The following SFRP1 variants were observed in gnomAD, a reference collection of about 807,000 sequenced individuals.
SFRP1 encodes the protein secreted frizzled related protein 1, also known as secreted frizzled-related protein 1.
In SFRP1, 9 loss-of-function variants were observed where a neutral mutation model predicts 25.9. The ratio of observed to expected loss-of-function variants is 0.35; its 90% CI spans 0.21 to 0.61. The LOEUF is 0.61. Ranked by LOEUF, SFRP1 falls within the 20% of genes least tolerant of loss-of-function variation. The pLI, the probability that SFRP1 is intolerant of heterozygous loss-of-function variation, is 0.78. For missense variants in SFRP1, 346 were observed against 418.2 expected, an observed-to-expected ratio of 0.83 and a Z score of 1.51; for synonymous variants, 178 against 174.0, an observed-to-expected ratio of 1.02 and a Z score of -0.18.
At chr8:41,294,219 G>A (rs902629650) in intron 2 of SFRP1, among the ~76,000 whole-genome samples, 1 of 152,184 alleles carries the variant, frequency 6.6e-6, no homozygotes, top group African/African-American at 2.4e-5. Context: ...GCTGCTCTCA[G>A]GGTTTAAAGT....
intron 2 of SFRP1, among the ~76,000 whole-genome samples, chr8:41,274,274 T>A (rs1241168517): frequency 6.6e-6 from 1 of 152,146 alleles, no homozygotes; most frequent in East Asian, 1.9e-4. Context: ...CCCAGACCAA[T>A]GGTAGGAAAG....
Position 41,309,120 on chromosome 8 carries a change from C to A in SFRP1, c.40G>T (p.Ala14Ser), listed in dbSNP as rs1585525590. 5.1e-6 allele frequency: 3 copies of A among 590,490 alleles called. No individual in the cohort carries two copies. Among genetic ancestry groups the A allele is most frequent in the Non-Finnish European group, 7.0e-6 (3 of 425,576 alleles). 36.6% of individuals were successfully genotyped at this position (590,490 alleles called of 1,614,324 possible). ...CCCAGCGCCAGCAGCACGCCCAGGG[C>A]TGCCCCGCGGCGGCCCCCCTCGCTG... The part of the protein sequence containing the change: ...GRSEGGRRGA[A>S]LGVLLALGAA... The change falls in exon 1 of 3, where the codon GCC (alanine) becomes TCC (serine). Residue 14 changes from alanine (A) to serine (S), a missense_variant. Transcript: ENST00000220772.
intron 2 of SFRP1, among the ~76,000 whole-genome samples, chr8:41,284,047 A>C (rs910850323): frequency 1.3e-4 from 20 of 152,188 alleles, no homozygotes; most frequent in African/African-American, 4.8e-4. Context: ...CCTGTTTGCC[A>C]TGGCAAACTT....
At chr8:41,282,775 A>G (rs1585511538) in intron 2 of SFRP1, among the ~76,000 whole-genome samples, 1 of 152,290 alleles carries the variant, frequency 6.6e-6, no homozygotes, top group East Asian at 1.9e-4. Flanking sequence ...GTACAGAGTT[A>G]TATACATGTT....
intron 2 of SFRP1, among the ~76,000 whole-genome samples, chr8:41,270,520 A>G (rs960503149): frequency 2.0e-5 from 3 of 152,150 alleles, no homozygotes; most frequent in African/African-American, 7.2e-5. Context: ...AGGTCCCACA[A>G]ATGCTCCTGA....
At chr8:41,305,092 G>A (rs1296400359) in intron 1 of SFRP1, among the ~76,000 whole-genome samples, 4 of 152,176 alleles carry the variant, frequency 2.6e-5, no homozygotes, top group Non-Finnish European at 5.9e-5. Flanking sequence ...AAGGAAGTGT[G>A]ACAATATGGA....
At chr8:41,306,354 C>T (rs946670785) in intron 1 of SFRP1, among the ~76,000 whole-genome samples, 6 of 152,122 alleles carry the variant, frequency 3.9e-5, no homozygotes, top group Non-Finnish European at 5.9e-5. Context: ...AAAGAATAAA[C>T]GAATAAAAGA....
intron 2 of SFRP1, among the ~76,000 whole-genome samples, chr8:41,281,467 T>G (rs541988170): frequency 4.6e-4 from 70 of 152,298 alleles, no homozygotes; most frequent in African/African-American, 1.6e-3. Context: ...GCAAAGTCCC[T>G]TCAGAGCACA....
chr8:41,276,971 CG>C (rs1563360620), intron 2 of SFRP1: 1 of 456,352 alleles, frequency 2.2e-6, no homozygotes, highest in East Asian at 6.9e-5. Context: ...CCAGCAGCAT[CG>C]GTGTCAGCCA....
At chr8:41,307,157 A>G (rs1804008463) in intron 1 of SFRP1, among the ~76,000 whole-genome samples, 1 of 152,208 alleles carries the variant, frequency 6.6e-6, no homozygotes, top group Non-Finnish European at 1.5e-5. Flanking sequence ...ACAGAACACA[A>G]GGCGCTTTGT....
In SFRP1 at chr8:41,278,747, A is replaced by G. The variant is rs7465252; in HGVS notation, c.623-13258T>C. On this transcript the variant is annotated intron_variant, in intron 2 of 2. Coordinates refer to ENST00000220772, the MANE Select transcript of SFRP1 (RefSeq NM_003012.5). ...ACAGCCCCGGAAAAACACCTGACACACTCCACAAATAATAATCAGCAGATC... is the reference window on the plus strand; with the variant it reads ...ACAGCCCCGGAAAAACACCTGACACGCTCCACAAATAATAATCAGCAGATC... Among the ~76,000 whole-genome samples, 66 of 152,138 alleles carry G rather than the reference A, an allele frequency of 4.3e-4. 1 individual carries two copies. The East Asian group carries it at 0.012, about 27-fold the overall frequency.
At chr8:41,272,860 A>C (rs1436786921) in intron 2 of SFRP1, among the ~76,000 whole-genome samples, 1 of 152,236 alleles carries the variant, frequency 6.6e-6, no homozygotes, top group Non-Finnish European at 1.5e-5. Context: ...AGGTTAAACA[A>C]CACCCAGCTC....
chr8:41,266,134 C>A (rs1365959635), intron 2 of SFRP1, among the ~76,000 whole-genome samples: 1 of 151,902 alleles, frequency 6.6e-6, no homozygotes, highest in East Asian at 1.9e-4. Context: ...CCACTGCACT[C>A]CAGCCTGAGC....
Position 41,303,458 on chromosome 8 carries a change from T to C in SFRP1, c.622+3A>G. The C allele has an allele frequency of 1.2e-6, 2 of 1,613,018 alleles. No homozygotes were observed. Among genetic ancestry groups the C allele is most frequent in the Non-Finnish European group, 8.5e-7 (1 of 1,179,204 alleles). ...CCAGAGGCAGCTAGAAACGCTTTCTTACCAAACTCGCTGGCACAGAGATGT... is the reference window on the plus strand; with the variant it reads ...CCAGAGGCAGCTAGAAACGCTTTCTCACCAAACTCGCTGGCACAGAGATGT... On this transcript the variant is annotated splice_donor_region_variant and intron_variant, in intron 2 of 2. Coordinates refer to ENST00000220772, the MANE Select transcript of SFRP1 (RefSeq NM_003012.5).
chr8:41,271,851 C>A (rs1803512567), intron 2 of SFRP1, among the ~76,000 whole-genome samples: 1 of 151,864 alleles, frequency 6.6e-6, no homozygotes, highest in South Asian at 2.1e-4. Flanking sequence ...GTAGTCCCAG[C>A]TACTCAGGAA....
intron 2 of SFRP1, among the ~76,000 whole-genome samples, chr8:41,282,731 T>C (rs1803651557): frequency 6.6e-6 from 1 of 152,180 alleles, no homozygotes; most frequent in Non-Finnish European, 1.5e-5. Context: ...TTTTTGAAAC[T>C]ACATATTCAA....
chr8:41,266,256 C>T (rs111321148), intron 2 of SFRP1, among the ~76,000 whole-genome samples: 4,199 of 152,198 alleles, frequency 0.028, 184 homozygotes, highest in African/African-American at 0.093. Context: ...CTGTAATGGC[C>T]ATCGGTGCCA....
chr8:41,295,228 G>T (rs1307496000), intron 2 of SFRP1, among the ~76,000 whole-genome samples: 1 of 152,166 alleles, frequency 6.6e-6, no homozygotes, highest in Non-Finnish European at 1.5e-5. Context: ...AGGCATGGTG[G>T]TGCGTGCCTG....
chr8:41,308,004 A>G (rs906900209), intron 1 of SFRP1, among the ~76,000 whole-genome samples: 4 of 152,214 alleles, frequency 2.6e-5, no homozygotes, highest in African/African-American at 9.6e-5. Flanking sequence ...GGGTGGAGAA[A>G]CAGAAGTCCC....
Sources: allele counts gnomAD v4.1 joint callset (sites outside exome capture counted in the v4.1 genomes callset), GRCh38; gene constraint gnomAD v4.1.1; transcripts MANE v1.5; gene names NCBI Gene and HGNC (gene_info 2026-07-23, HGNC 2026-07-21).